The following SNRNP70 variants were observed in gnomAD, a reference collection of about 807,000 sequenced individuals.
The protein encoded by SNRNP70 is small nuclear ribonucleoprotein U1 subunit 70.
Under a neutral mutation model 50.5 loss-of-function variants are expected in SNRNP70, and 8 were observed. That is an observed-to-expected ratio of 0.16 (90% confidence interval 0.09 to 0.29). The LOEUF (loss-of-function observed/expected upper bound fraction) is 0.29. SNRNP70 is among the 10% of genes least tolerant of loss of function. SNRNP70 has a pLI of 1.00. For missense variants in SNRNP70, 529 were observed against 663.5 expected (o/e 0.80, Z 2.23); for synonymous variants, 320 against 252.9 (o/e 1.27, Z -2.52).
chr19:49,101,596 T>G, intron 7 of SNRNP70, 125 bp downstream of exon 7: 2 of 653,892 alleles, frequency 3.1e-6, no homozygotes, highest in African/African-American at 1.8e-5. Context: ...CTTCTCCTCC[T>G]CCCTCTGTTT....
intron 4 of SNRNP70, among the ~76,000 whole-genome samples, chr19:49,091,269 T>TGAGGCAGGAGAATCTCCTGAACCCAG (rs2040443785): frequency 6.6e-6 from 1 of 151,524 alleles, no homozygotes; most frequent in South Asian, 2.1e-4. Flanking sequence ...CTCGGGAGAC[T>TGAGGCAGGAGAATCTCCTGAACCCAG]GAGGCAGGAG....
intron 8 of SNRNP70, among the ~76,000 whole-genome samples, chr19:49,106,652 A>C (rs1397125565): frequency 6.6e-6 from 1 of 152,130 alleles, no homozygotes; most frequent in Non-Finnish European, 1.5e-5. Context: ...AGCGCTTGAG[A>C]AGGCAGGTTT....
rs760437388 is a variant in SNRNP70 at position 49,104,746 on chromosome 19, C to T, written c.577+11C>T. ...GGCCCCGGCGGCTAGGTGAGCACAT[C>T]CTGCCTTCGACGGGCTCTCGGGGGC... On this transcript the variant is annotated intron_variant, in intron 8 of 9. Transcript: ENST00000598441. This position sits in a 1 kb window ranked among gnomAD's most constrained non-coding sequence, Gnocchi z 5.4. 6.5e-7 allele frequency: 1 copy of T among 1,528,242 alleles called. No homozygotes were observed. Among genetic ancestry groups the T allele is most frequent in the Non-Finnish European group, 8.8e-7 (1 of 1,133,604 alleles). 94.7% of individuals were successfully genotyped at this position (1,528,242 alleles called of 1,614,324 possible). A position where few individuals can be genotyped will look rare whatever the true frequency, so the allele number is the denominator to read the frequency against.
In SNRNP70 at chr19:49,108,575, G is replaced by C; in HGVS notation, c.*132G>C. 2 of 1,196,314 alleles carry C rather than the reference G, an allele frequency of 1.7e-6. No individual in the cohort carries two copies. The highest frequency in any genetic ancestry group is 1.6e-5 in the South Asian group (1 of 62,550). 74.1% of individuals were successfully genotyped at this position (1,196,314 alleles called of 1,614,324 possible). ...GTGTCTCATTTGTTCTGGCCCCTTGGATTTAAAAATAAAATTAATTTCCTG... is the reference window on the plus strand; with the variant it reads ...GTGTCTCATTTGTTCTGGCCCCTTGCATTTAAAAATAAAATTAATTTCCTG... On this transcript the variant is annotated 3_prime_UTR_variant, in exon 10 of 10. Transcript: ENST00000598441.
intron 2 of SNRNP70, 134 bp from the exon 3 acceptor site, chr19:49,090,156 CA>C (rs1273800884): frequency 1.4e-6 from 1 of 729,396 alleles, no homozygotes; most frequent in Non-Finnish European, 2.4e-6. Flanking sequence ...TCCACTGTGT[CA>C]GGGGAAGTGT....
At chr19:49,096,167 C>T (rs2040510786) in intron 4 of SNRNP70, among the ~76,000 whole-genome samples, 1 of 151,784 alleles carries the variant, frequency 6.6e-6, no homozygotes, top group Admixed American at 6.6e-5. Flanking sequence ...AAGCAATTCT[C>T]CTGCGTCAGC....
rs1309378218 is a variant in SNRNP70, at chr19:49,107,487, T to G, written c.578-138T>G. 4.1e-6 allele frequency: 3 copies of G among 731,042 alleles called. No homozygotes were observed. Among genetic ancestry groups the G allele is most frequent in the African/African-American group, 1.8e-5 (1 of 56,638 alleles). 45.3% of individuals were successfully genotyped at this position (731,042 alleles called of 1,614,324 possible). The stretch of plus-strand genomic sequence containing the variant: ...TGTGATGGGAGTGCGCGGGATGAAC[T>G]GCACGGGGGGACCCGGCCCTGTGAA... On this transcript the variant is annotated intron_variant, in intron 8 of 9. Transcript: ENST00000598441. This position sits in a 1 kb window ranked among gnomAD's most constrained non-coding sequence, Gnocchi z 6.0.
intron 2 of SNRNP70, among the ~76,000 whole-genome samples, chr19:49,088,545 G>T: frequency 6.9e-6 from 1 of 144,336 alleles, no homozygotes. Flanking sequence ...TGCCCAGGCT[G>T]GAGTGCAGTG....
Position 49,108,421 on chromosome 19 carries a change from T to C in SNRNP70, c.1292T>C (p.Leu431Ser), listed in dbSNP as rs997710710. The change falls in exon 10 of 10, where the codon TTG becomes TCG. Residue 431 changes from leucine (L) to serine (S), a missense_variant. Coordinates refer to ENST00000598441, the MANE Select transcript of SNRNP70 (RefSeq NM_003089.6). ...TACCTGGCTCCGGAGAATGGGTATTTGATGGAGGCTGCGCCGGAGTGAAGA... is the reference window on the plus strand; with the variant it reads ...TACCTGGCTCCGGAGAATGGGTATTCGATGGAGGCTGCGCCGGAGTGAAGA... ...DGYLAPENGY[L>S]MEAAPE 1 of 1,607,914 alleles carries C rather than the reference T, an allele frequency of 6.2e-7. No individual in the cohort carries two copies. Among genetic ancestry groups the C allele is most frequent in the African/African-American group, 1.3e-5 (1 of 74,728 alleles).
chr19:49,096,418 C>A (rs2040514286), intron 4 of SNRNP70, among the ~76,000 whole-genome samples: 1 of 152,086 alleles, frequency 6.6e-6, no homozygotes, highest in Admixed American at 6.6e-5. Flanking sequence ...TCAGACGTTT[C>A]CATTTGTCCC....
rs1449116792 is a variant in SNRNP70, at chr19:49,090,437, A to T, written c.211-29A>T. ...CACTAGGGCACTTCTATCTGCATTC[A>T]CTTCTCCACCTCCCCTTTCTCCTGA... On this transcript the variant is annotated intron_variant, in intron 3 of 9. Transcript: ENST00000598441. The T allele has an allele frequency of 3.1e-6, 5 of 1,613,648 alleles. No homozygotes were observed. In the African/African-American group the frequency reaches 5.3e-5, roughly 17 times the overall value.
intron 4 of SNRNP70, among the ~76,000 whole-genome samples, chr19:49,095,597 C>T (rs1161542680): frequency 4.0e-5 from 6 of 149,966 alleles, no homozygotes; most frequent in South Asian, 2.1e-4. Flanking sequence ...TGTAGTGGCA[C>T]GATCTCGGTT....
intron 4 of SNRNP70, among the ~76,000 whole-genome samples, 191 bp from the exon 5 acceptor site, chr19:49,098,236 C>T (rs538427701): frequency 3.3e-5 from 5 of 152,300 alleles, no homozygotes; most frequent in African/African-American, 4.8e-5. Context: ...TCTGATAAAG[C>T]CCACTGTGCC....
chr19:49,085,916 C>T (rs75854963), intron 1 of SNRNP70, among the ~76,000 whole-genome samples: 1 of 152,194 alleles, frequency 6.6e-6, no homozygotes, highest in Non-Finnish European at 1.5e-5. Flanking sequence ...ATTCCTTTCG[C>T]TTTTTGCGGG....
At chr19:49,101,875 C>G (rs568184575) in intron 7 of SNRNP70, among the ~76,000 whole-genome samples, 51 of 151,964 alleles carry the variant, frequency 3.4e-4, no homozygotes, top group Admixed American at 9.2e-4. Flanking sequence ...CTCTTCCCCC[C>G]CCAGTAGAAC....
Position 49,108,045 on chromosome 19 carries a change from A to G in SNRNP70, c.916A>G (p.Lys306Glu). 1 of 1,550,154 alleles carries G rather than the reference A, an allele frequency of 6.5e-7. No individual in the cohort carries two copies. The highest frequency in any genetic ancestry group is 8.7e-7 in the Non-Finnish European group (1 of 1,147,760). The change falls in exon 10 of 10, where the codon AAG (lysine) becomes GAG (glutamate). Residue 306 changes from lysine (K) to glutamate (E), a missense_variant. Lys to Glu is a moderately conservative substitution (Grantham distance 56, BLOSUM62 1). This residue lies in a region of SNRNP70 where 327 missense variants were observed against 308.8 expected (regional missense o/e 1.06). Coordinates refer to ENST00000598441, the MANE Select transcript of SNRNP70 (RefSeq NM_003089.6). ...GCGGGCCCGGCGGGAGCGGGAGCGC[A>G]AGGAGGAGCTGCGTGGCGGCGGTGG... ...RERARRERER[K>E]EELRGGGGDM...
At position 49,090,566 on chromosome 19, in the gene SNRNP70, CTG is replaced by C. The variant is rs1219263585; in HGVS notation, c.265+48_265+49del. On this transcript the variant is annotated intron_variant, in intron 4 of 9. Coordinates refer to ENST00000598441, the MANE Select transcript of SNRNP70 (RefSeq NM_003089.6). The stretch of plus-strand genomic sequence containing the variant: ...TTGGCTCTCTCCTCTCCCAAACCCT[CTG>C]TATTCTTCCCAGGTCATACCCAGGA... 7.0e-6 allele frequency: 11 copies of C among 1,576,132 alleles called. No individual in the cohort carries two copies. In the East Asian group the frequency reaches 9.0e-5, roughly 13 times the overall value.
rs1600291872 is a variant in SNRNP70 at position 49,104,832 on chromosome 19, G to A, written c.577+97G>A. On this transcript the variant is annotated intron_variant, in intron 8 of 9. Transcript: ENST00000598441. This position sits in a 1 kb window ranked among gnomAD's most constrained non-coding sequence, Gnocchi z 5.4. ...GCTTTCTGCTTCTCTGTCTCCTGCC[G>A]GCCCACCTCTCCCATCGCGTCCTCA... is the stretch of plus-strand genomic sequence containing the variant. 15 of 722,836 alleles carry A rather than the reference G, an allele frequency of 2.1e-5. 1 individual carries two copies. Among genetic ancestry groups the A allele is most frequent in the Middle Eastern group, 4.0e-4 (1 of 2,518 alleles). The allele number at this position is 722,836 out of a possible 1,614,324, so 44.8% of individuals were successfully genotyped here.
At chr19:49,098,008 C>T (rs1410032625) in intron 4 of SNRNP70, among the ~76,000 whole-genome samples, 1 of 152,224 alleles carries the variant, frequency 6.6e-6, no homozygotes, top group African/African-American at 2.4e-5. Context: ...GGCAGTGTGG[C>T]CCTGCCTACA....
Sources: gnomAD v4.1 joint callset for allele counts (sites outside exome capture counted in the v4.1 genomes callset) on GRCh38, gnomAD v4.1.1 for gene constraint, gnomAD v4.1.1 regional missense constraint, Gnocchi (gnomAD v3.1) non-coding constraint, MANE v1.5 for transcripts, NCBI Gene and HGNC (gene_info 2026-07-23, HGNC 2026-07-21) for gene names.